Variants in ADAMTS1 observed in about 807,000 individuals in gnomAD.
ADAMTS1 encodes A disintegrin and metalloproteinase with thrombospondin motifs 1.
Under a neutral mutation model 87.9 loss-of-function variants are expected in ADAMTS1, and 19 were observed. That is an observed-to-expected ratio of 0.22 (90% CI 0.15 to 0.32). The LOEUF (loss-of-function observed/expected upper bound fraction) is 0.32. Ranked by LOEUF, ADAMTS1 falls within the 10% of genes least tolerant of loss-of-function variation. ADAMTS1 has a pLI of 1.00. For synonymous variants in ADAMTS1, 542 were observed against 501.8 expected (o/e 1.08, Z -1.07); for missense variants, 1,240 against 1,259.1 (o/e 0.98, Z 0.23).
In ADAMTS1 at chr21:26,845,113, C is replaced by A; in HGVS notation, c.-159G>T. ...CGCAGAGCCGGCTACAGCCGAAGCT[C>A]CCGGAGTCACTAAAAGGAGGCGCTG... On this transcript the variant is annotated 5_prime_UTR_variant, in exon 1 of 9. Coordinates refer to ENST00000284984, the MANE Select transcript of ADAMTS1 (RefSeq NM_006988.5). The A allele has an allele frequency of 9.4e-7, 1 of 1,065,114 alleles. No homozygotes were observed. The highest frequency in any genetic ancestry group is 3.7e-5 in the Admixed American group (1 of 26,854). 66.0% of individuals were successfully genotyped at this position (1,065,114 alleles called of 1,614,324 possible). A position where few individuals can be genotyped will look rare whatever the true frequency, so the allele number is the denominator to read the frequency against.
At chr21:26,841,829 G>C (rs1359129270) in intron 3 of ADAMTS1, 29 bp downstream of exon 3, 1 of 1,601,744 alleles carries the variant, frequency 6.2e-7, no homozygotes, top group Admixed American at 1.7e-5. Context: ...TCTGAATTGA[G>C]CTTAACTTCT....
rs142258039 is a variant in ADAMTS1 at position 26,840,483 on chromosome 21, C to A, written c.1458G>T (p.Arg486=). 1,130 of 1,614,226 alleles carry A rather than the reference C, an allele frequency of 7.0e-4. 12 individuals carry two copies. In the African/African-American group the frequency reaches 0.013, roughly 19 times the overall value. ...CCTCCCCAAATGTAAACTGGCACTG[C>A]CGGTTGGCATCGTACGAGGTGCCAG... ...DLPGTSYDAN[R]QCQFTFGEDS... The change falls in exon 5 of 9, where the codon CGG becomes CGT. Residue 486 remains arginine, a synonymous_variant. Coordinates refer to ENST00000284984, the MANE Select transcript of ADAMTS1 (RefSeq NM_006988.5).
Position 26,839,778 on chromosome 21 carries a change from TATG to T in ADAMTS1, c.1853-19_1853-17del, listed in dbSNP as rs1568810327. ...AAGGTTTTTCCTGGAAAGAGAATAA[TATG>T]ATAACATTATCAGTTTCCAATCTTG... On this transcript the variant is annotated splice_polypyrimidine_tract_variant and intron_variant, in intron 6 of 8. Transcript: ENST00000284984. 1.2e-6 allele frequency: 2 copies of T among 1,604,012 alleles called. No homozygotes were observed. Among genetic ancestry groups the T allele is most frequent in the Non-Finnish European group, 1.7e-6 (2 of 1,172,518 alleles).
chr21:26,838,434 C>T lies in ADAMTS1; in HGVS notation c.2204+5G>A, dbSNP rs766528566. On this transcript the variant is annotated splice_donor_5th_base_variant and intron_variant, in intron 8 of 8. Coordinates refer to ENST00000284984, the MANE Select transcript of ADAMTS1 (RefSeq NM_006988.5). ...AGGTCTGCAAATAGGTGTTTTAAAA[C>T]TTACTTTGCACTAGTAACTGATCCT... 1 of 1,614,084 alleles carries T rather than the reference C, an allele frequency of 6.2e-7. No homozygotes were observed. Among genetic ancestry groups the T allele is most frequent in the Non-Finnish European group, 8.5e-7 (1 of 1,179,980 alleles).
At chr21:26,838,683 A>T in intron 7 of ADAMTS1, 69 bp from the exon 8 acceptor site, 1 of 1,482,512 alleles carries the variant, frequency 6.7e-7, no homozygotes, top group Non-Finnish European at 9.2e-7. Flanking sequence ...GATAAGTGTA[A>T]ACATTTTCTC....
rs200359459 is a variant in ADAMTS1, at chr21:26,838,096, C to A, written c.2387G>T (p.Gly796Val). Residue 796 changes from glycine to valine, a missense_variant, in exon 9 of 9, where the codon GGT becomes GTT. By Grantham distance (109) the Gly-to-Val change is moderately radical. Around this residue, in one of 3 missense-constraint regions of ADAMTS1, gnomAD observed 402 missense variants for 399.1 expected, o/e 1.01. Coordinates refer to ENST00000284984, the MANE Select transcript of ADAMTS1 (RefSeq NM_006988.5). ...STLEQDIMYK[G>V]VVLRYSGSSA... ...GGAGCCGCTGTACCTCAAGACAACA[C>A]CTTTGTACATAATGTCTTGCTCTAA... is the stretch of plus-strand genomic sequence containing the variant. The A allele has an allele frequency of 1.9e-6, 3 of 1,614,142 alleles. No individual in the cohort carries two copies. The highest frequency in any genetic ancestry group is 2.2e-5 in the South Asian group (2 of 91,078).
At position 26,842,450 on chromosome 21, in the gene ADAMTS1, G is replaced by A; in HGVS notation, c.966C>T (p.Thr322=). 6.8e-6 allele frequency: 11 copies of A among 1,614,138 alleles called. No individual in the cohort carries two copies. The highest frequency in any genetic ancestry group is 9.3e-6 in the Non-Finnish European group (11 of 1,180,040). ...TCCGCAGAGTGAGGGCAGCATTGGA[G>A]GTCACTTCCGGCCCCTTCTGTTCAT... The part of the protein sequence containing the change: ...IHDEQKGPEV[T]SNAALTLRNF... Residue 322 remains threonine (T), a synonymous_variant, in exon 2 of 9, where the codon ACC becomes ACT. Coordinates refer to ENST00000284984, the MANE Select transcript of ADAMTS1 (RefSeq NM_006988.5).
intron 1 of ADAMTS1, among the ~76,000 whole-genome samples, 178 bp downstream of exon 1, chr21:26,844,047 T>G (rs1022198193): frequency 2.6e-5 from 4 of 152,146 alleles, no homozygotes. Flanking sequence ...TGCAAGTATG[T>G]TTTCTAGCTG....
intron 7 of ADAMTS1, chr21:26,838,857 C>G (rs1985433757): frequency 2.5e-6 from 1 of 398,294 alleles, no homozygotes; most frequent in East Asian, 3.7e-5. Flanking sequence ...TCTCCTCCAG[C>G]TAAGGTCAAT....
intron 4 of ADAMTS1, 29 bp from the exon 5 acceptor site, chr21:26,840,591 T>C (rs75914252): frequency 4.4e-6 from 7 of 1,606,666 alleles, no homozygotes; most frequent in East Asian, 2.2e-5. Flanking sequence ...CCAATATCAA[T>C]ACAGAGTTAG....
In ADAMTS1 at chr21:26,844,497, C is replaced by A; in HGVS notation, c.458G>T (p.Gly153Val). 6.3e-7 allele frequency: 1 copy of A among 1,594,360 alleles called. No individual in the cohort carries two copies. The highest frequency in any genetic ancestry group is 8.5e-7 in the Non-Finnish European group (1 of 1,171,098). The change falls in exon 1 of 9, where the codon GGG becomes GTG. Residue 153 changes from glycine to valine, a missense_variant. Coordinates refer to ENST00000284984, the MANE Select transcript of ADAMTS1 (RefSeq NM_006988.5). ...EGVRGAFYLL[G>V]EAYFIQPLPA... ...CAGCGGCTGGATGAAATACGCCTCC[C>A]CCAGCAGGTAGAAGGCGCCGCGCAC...
Position 26,840,153 on chromosome 21 carries a change from T to C in ADAMTS1, c.1666-92A>G, listed in dbSNP as rs977818472. ...GCCACATGGGACAAAGAATCAGTTCTAAAAATAAGCTATCTCGCATTCCTG... is the reference window on the plus strand; with the variant it reads ...GCCACATGGGACAAAGAATCAGTTCCAAAAATAAGCTATCTCGCATTCCTG... On this transcript the variant is annotated intron_variant, in intron 5 of 8. Coordinates refer to ENST00000284984, the MANE Select transcript of ADAMTS1 (RefSeq NM_006988.5). The C allele has an allele frequency of 1.4e-5, 21 of 1,548,402 alleles. No individual in the cohort carries two copies. In the African/African-American group the frequency reaches 2.6e-4, roughly 19 times the overall value.
intron 8 of ADAMTS1, 67 bp downstream of exon 8, chr21:26,838,372 T>C: frequency 5.0e-6 from 8 of 1,591,514 alleles, no homozygotes; most frequent in Non-Finnish European, 6.9e-6. Flanking sequence ...AGACATATTT[T>C]TTTCCCAGAC....
Position 26,844,588 on chromosome 21 carries a change from AGTGCGCCAG to A in ADAMTS1, c.358_366del (p.Leu120_His122del). 5 of 1,611,336 alleles carry A rather than the reference AGTGCGCCAG, an allele frequency of 3.1e-6. No homozygotes were observed. The highest frequency in any genetic ancestry group is 4.2e-6 in the Non-Finnish European group (5 of 1,179,006). ...CCATTCACGGTGCCGGAGTAGAAGC[AGTGCGCCAG>A]GTCGGTTTCCGGAAGCGGCGTCTCG... On this transcript the variant is annotated inframe_deletion, in exon 1 of 9. Coordinates refer to ENST00000284984, the MANE Select transcript of ADAMTS1 (RefSeq NM_006988.5).
In ADAMTS1 at chr21:26,844,244, T is replaced by C; in HGVS notation, c.711A>G (p.Gln237=). Reference sequence around the variant, plus strand: ...TTCTACCTGTGGGCTGTCCTACGCCTTGCAGTGCCGGGTCCTGCGGCGACC... The same window carrying C: ...TTCTACCTGTGGGCTGTCCTACGCCCTGCAGTGCCGGGTCCTGCGGCGACC... The part of the protein sequence containing the change: ...AQWSPQDPAL[Q]GVGQPTGTGS... Residue 237 remains glutamine (Q), a synonymous_variant, in exon 1 of 9, where the codon CAA becomes CAG. Coordinates refer to ENST00000284984, the MANE Select transcript of ADAMTS1 (RefSeq NM_006988.5). The C allele has an allele frequency of 6.4e-7, 1 of 1,572,012 alleles. No homozygotes were observed. Among genetic ancestry groups the C allele is most frequent in the Non-Finnish European group, 8.6e-7 (1 of 1,159,084 alleles).
intron 1 of ADAMTS1, among the ~76,000 whole-genome samples, chr21:26,843,949 ACT>A (rs1985551970): frequency 1.3e-5 from 2 of 151,834 alleles, no homozygotes; most frequent in African/African-American, 4.8e-5. Flanking sequence ...CAGGTTACAA[ACT>A]CTCCCTCCCC....
chr21:26,837,672 G>T lies in ADAMTS1; in HGVS notation c.2811C>A (p.Ser937=). Residue 937 remains serine (S), a synonymous_variant, in exon 9 of 9, where the codon TCC becomes TCA. Transcript: ENST00000284984. ...GYKKRSLKCL[S]HDGGVLSHES... is the part of the protein sequence containing the mutation. The stretch of plus-strand genomic sequence containing the variant: ...CATGAGATAACACCCCTCCATCATG[G>T]GACAGACACTTCAAGCTTCTTTTTT... 6.2e-7 allele frequency: 1 copy of T among 1,614,120 alleles called. No individual in the cohort carries two copies. Among genetic ancestry groups the T allele is most frequent in the Non-Finnish European group, 8.5e-7 (1 of 1,180,022 alleles).
intron 3 of ADAMTS1, 108 bp downstream of exon 3, chr21:26,841,750 G>A: frequency 8.1e-7 from 1 of 1,237,108 alleles, no homozygotes; most frequent in Non-Finnish European, 1.1e-6. Flanking sequence ...TTTCTAAGAT[G>A]CACTAGGACC....
At chr21:26,843,286 G>A (rs1436229402) in intron 1 of ADAMTS1, among the ~76,000 whole-genome samples, 2 of 152,200 alleles carry the variant, frequency 1.3e-5, no homozygotes, top group African/African-American at 2.4e-5. Context: ...ATAAGTTCCA[G>A]CTTCCAGGCA....
Sources: gnomAD v4.1 joint callset for allele counts (sites outside exome capture counted in the v4.1 genomes callset) on GRCh38, gnomAD v4.1.1 for gene constraint, gnomAD v4.1.1 regional missense constraint, MANE v1.5 for transcripts, NCBI Gene and HGNC (gene_info 2026-07-23, HGNC 2026-07-21) for gene names.